BICD1: variants seen among roughly 807,000 people sequenced by gnomAD.
The protein encoded by BICD1 is BICD cargo adaptor 1.
In BICD1, 35 loss-of-function variants were observed where a neutral mutation model predicts 92.5. That is an observed-to-expected ratio of 0.38 (90% CI 0.29 to 0.50). The LOEUF (loss-of-function observed/expected upper bound fraction) is 0.50. Ranked by LOEUF, BICD1 falls within the 20% of genes least tolerant of loss-of-function variation. BICD1 has a pLI of 0.93. For synonymous variants in BICD1, 429 were observed against 465.1 expected, an observed-to-expected ratio of 0.92 and a Z score of 1.00; for missense variants, 950 against 1,189.8, an observed-to-expected ratio of 0.80 and a Z score of 2.97.
At chr12:32,113,932 C>T (rs767547643) in intron 1 of BICD1, among the ~76,000 whole-genome samples, 7 of 151,454 alleles carry the variant, frequency 4.6e-5, no homozygotes, top group Non-Finnish European at 8.8e-5. Context: ...AGTGCAGTGG[C>T]GCAATCTCGG....
At chr12:32,185,705 C>T (rs916797795) in intron 1 of BICD1, among the ~76,000 whole-genome samples, 5 of 152,154 alleles carry the variant, frequency 3.3e-5, no homozygotes, top group Non-Finnish European at 7.3e-5. Flanking sequence ...GCATCAATGA[C>T]GCAGGGATCT....
chr12:32,136,051 CTT>C (rs1295783457), intron 1 of BICD1, among the ~76,000 whole-genome samples: 2 of 152,188 alleles, frequency 1.3e-5, no homozygotes, highest in Non-Finnish European at 2.9e-5. Context: ...TGGCATATAA[CTT>C]TGTCCAAAGT....
chr12:32,236,238 C>CA (rs1339451602), intron 2 of BICD1, among the ~76,000 whole-genome samples: 4 of 151,254 alleles, frequency 2.6e-5, no homozygotes, highest in Non-Finnish European at 5.9e-5. Context: ...ACTAAAAATA[C>CA]AAAAAAATTA....
At chr12:32,289,265 T>C (rs754380338) in intron 2 of BICD1, among the ~76,000 whole-genome samples, 1 of 152,254 alleles carries the variant, frequency 6.6e-6, no homozygotes, top group Non-Finnish European at 1.5e-5. Flanking sequence ...AGGTATTGTA[T>C]GTAAATTGTA....
At chr12:32,268,272 G>A (rs1356426021) in intron 2 of BICD1, among the ~76,000 whole-genome samples, 1 of 152,108 alleles carries the variant, frequency 6.6e-6, no homozygotes, top group Non-Finnish European at 1.5e-5. Context: ...CGAAGAGAAG[G>A]GATGCGCCAG....
At chr12:32,263,611 A>G (rs1490346666) in intron 2 of BICD1, among the ~76,000 whole-genome samples, 1 of 152,184 alleles carries the variant, frequency 6.6e-6, no homozygotes, top group African/African-American at 2.4e-5. Context: ...ATTAACAAAT[A>G]AAAGAATGCA....
Position 32,217,203 on chromosome 12 carries a change from G to T in BICD1, c.426+744G>T, listed in dbSNP as rs74072019. 9.5e-3 allele frequency among the ~76,000 whole-genome samples: 1,441 copies of T among 152,236 alleles called. 18 individuals carry two copies. Among genetic ancestry groups the T allele is most frequent in the African/African-American group, 0.033 (1,357 of 41,538 alleles). ...GAAGCTATATTCAATCATTCACTCCGTATTTTGATATGAAAGCTATAGAAG... is the reference window on the plus strand; with the variant it reads ...GAAGCTATATTCAATCATTCACTCCTTATTTTGATATGAAAGCTATAGAAG... On this transcript the variant is annotated intron_variant, in intron 2 of 9. Transcript: ENST00000652176.
intron 2 of BICD1, among the ~76,000 whole-genome samples, chr12:32,226,913 G>A (rs1028944328): frequency 6.6e-6 from 1 of 152,232 alleles, no homozygotes; most frequent in East Asian, 1.9e-4. Context: ...GCGGGGAAGG[G>A]AATGTGGGCT....
At chr12:32,209,526 G>C (rs1271144389) in intron 1 of BICD1, among the ~76,000 whole-genome samples, 1 of 152,090 alleles carries the variant, frequency 6.6e-6, no homozygotes, top group African/African-American at 2.4e-5. Flanking sequence ...GGGAGGATAG[G>C]GTACCATGTC....
intron 1 of BICD1, among the ~76,000 whole-genome samples, chr12:32,202,052 A>T (rs1033897085): frequency 6.6e-6 from 1 of 152,218 alleles, no homozygotes; most frequent in African/African-American, 2.4e-5. Context: ...CACTGATCAT[A>T]TATAATACTT....
At chr12:32,163,355 A>G (rs908656634) in intron 1 of BICD1, among the ~76,000 whole-genome samples, 1 of 152,086 alleles carries the variant, frequency 6.6e-6, no homozygotes, top group African/African-American at 2.4e-5. Flanking sequence ...TATTTCTTTA[A>G]TAATATTTTT....
At chr12:32,223,007 T>C (rs1565598482) in intron 2 of BICD1, among the ~76,000 whole-genome samples, 1 of 152,260 alleles carries the variant, frequency 6.6e-6, no homozygotes, top group Non-Finnish European at 1.5e-5. Flanking sequence ...TTGTCTATGT[T>C]GAAAATCTAT....
At chr12:32,166,057 A>G (rs1943754948) in intron 1 of BICD1, among the ~76,000 whole-genome samples, 1 of 152,140 alleles carries the variant, frequency 6.6e-6, no homozygotes, top group Admixed American at 6.5e-5. Flanking sequence ...TTCTCAGTTC[A>G]GAGCTGTTTT....
At chr12:32,342,192 A>G (rs372750407) in intron 8 of BICD1, among the ~76,000 whole-genome samples, 6,383 of 109,284 alleles carry the variant, frequency 0.058, 156 homozygotes, top group South Asian at 0.1. Flanking sequence ...GTATATATAT[A>G]TGTGTGTGTG....
chr12:32,218,070 C>G (rs1453199810), intron 2 of BICD1, among the ~76,000 whole-genome samples: 1 of 152,170 alleles, frequency 6.6e-6, no homozygotes, highest in Non-Finnish European at 1.5e-5. Context: ...GCAGCTGCAG[C>G]TGAGCCAAGA....
intron 1 of BICD1, among the ~76,000 whole-genome samples, chr12:32,203,458 C>A (rs1944964818): frequency 6.6e-6 from 1 of 152,134 alleles, no homozygotes; most frequent in Non-Finnish European, 1.5e-5. Context: ...CTGACAGCAA[C>A]AACCGAAGCA....
At chr12:32,133,203 C>T (rs1042106206) in intron 1 of BICD1, among the ~76,000 whole-genome samples, 26 of 152,008 alleles carry the variant, frequency 1.7e-4, no homozygotes, top group Non-Finnish European at 3.1e-4. Flanking sequence ...AGATGAGTCT[C>T]CTGGCCAGGC....
chr12:32,238,395 G>A (rs142218486), intron 2 of BICD1, among the ~76,000 whole-genome samples: 137 of 152,304 alleles, frequency 9.0e-4, no homozygotes, highest in Non-Finnish European at 1.6e-3. Flanking sequence ...TCTTATGGAT[G>A]AGCAAAGGAA....
At chr12:32,117,940 G>C (rs958987626) in intron 1 of BICD1, among the ~76,000 whole-genome samples, 2 of 150,916 alleles carry the variant, frequency 1.3e-5, no homozygotes, top group African/African-American at 4.8e-5. Context: ...AGTAGAGACA[G>C]GGTTTCTCCA....
Sources: allele counts gnomAD v4.1 joint callset (sites outside exome capture counted in the v4.1 genomes callset), GRCh38; gene constraint gnomAD v4.1.1; transcripts MANE v1.5; gene names NCBI Gene and HGNC (gene_info 2026-07-23, HGNC 2026-07-21).